The following CATSPERB variants were observed in gnomAD, a reference collection of about 807,000 sequenced individuals.
CATSPERB encodes the protein cation channel sperm-associated auxiliary subunit beta.
CATSPERB carries 93 observed loss-of-function variants against 128.3 expected under a neutral mutation model. The ratio of observed to expected loss-of-function variants is 0.72; its 90% CI spans 0.61 to 0.86. The LOEUF (loss-of-function observed/expected upper bound fraction) is 0.86. CATSPERB is among the 40% of genes least tolerant of loss of function. The probability of loss-of-function intolerance (pLI) is 0.00; values close to 1 mark genes in which losing one functional copy is unlikely to be tolerated. For missense variants in CATSPERB, 1,153 were observed against 1,329.5 expected, an observed-to-expected ratio of 0.87 and a Z score of 2.06; for synonymous variants, 381 against 448.8, an observed-to-expected ratio of 0.85 and a Z score of 1.91.
intron 16 of CATSPERB, 43 bp downstream of exon 16, chr14:91,639,053 T>C (rs1894435520): frequency 6.5e-7 from 1 of 1,534,370 alleles, no homozygotes; most frequent in African/African-American, 1.4e-5. Context: ...GTGGCATCTA[T>C]TCTTAAAATA....
intron 17 of CATSPERB, 58 bp downstream of exon 17, chr14:91,636,367 A>T: frequency 6.4e-7 from 1 of 1,552,208 alleles, no homozygotes; most frequent in Non-Finnish European, 8.8e-7. Context: ...TATCTCAAAA[A>T]ATTTAAAAAG....
chr14:91,711,539 G>T (rs1381579961), intron 5 of CATSPERB, among the ~76,000 whole-genome samples: 3 of 152,156 alleles, frequency 2.0e-5, no homozygotes, highest in Non-Finnish European at 4.4e-5. Context: ...CTGGTTTTAA[G>T]ATTCATTTGT....
chr14:91,636,199 C>CA, intron 17 of CATSPERB: 1 of 452,520 alleles, frequency 2.2e-6, no homozygotes, highest in Non-Finnish European at 3.9e-6. Flanking sequence ...CCCATCTCTA[C>CA]AAAAAATACA....
At chr14:91,626,989 T>A (rs1704665) in intron 17 of CATSPERB, among the ~76,000 whole-genome samples, 1 of 152,046 alleles carries the variant, frequency 6.6e-6, no homozygotes, top group Non-Finnish European at 1.5e-5. Context: ...TATGAACAAA[T>A]AGTTTATAAA....
At chr14:91,685,512 C>T (rs567790323) in intron 10 of CATSPERB, among the ~76,000 whole-genome samples, 7 of 152,178 alleles carry the variant, frequency 4.6e-5, no homozygotes, top group Middle Eastern at 3.4e-3. Context: ...GGTAATTTAT[C>T]GGGATACAAT....
Position 91,672,892 on chromosome 14 carries a change from G to A in CATSPERB, c.1103C>T (p.Thr368Ile). 6.3e-7 allele frequency: 1 copy of A among 1,589,036 alleles called. No homozygotes were observed. ...CTTGTTATAGAAGAGGTAAACTCCAGTACCACGCTCTTGGTCAACAAGAAA... is the reference window on the plus strand; with the variant it reads ...CTTGTTATAGAAGAGGTAAACTCCAATACCACGCTCTTGGTCAACAAGAAA... ...LTFLVDQERG[T>I]GVYLFYNKVR... is the part of the protein sequence containing the mutation. The change falls in exon 13 of 27, where the codon ACT (threonine) becomes ATT (isoleucine). Residue 368 changes from threonine (T) to isoleucine (I), a missense_variant. Physicochemically the swap from Thr to Ile is moderately conservative, Grantham distance 89. Coordinates refer to ENST00000256343, the MANE Select transcript of CATSPERB (RefSeq NM_024764.4).
rs913463104 is a variant in CATSPERB at position 91,661,175 on chromosome 14, T to C, written c.1288-1194A>G. 7.9e-5 allele frequency among the ~76,000 whole-genome samples: 12 copies of C among 152,154 alleles called. 1 individual carries two copies. The highest frequency in any genetic ancestry group is 2.9e-4 in the African/African-American group (12 of 41,428). ...TGGTGAGCAGGGAGGTAGTTAGGTG[T>C]CTAAGGAAGGGCACCTTGAACAATA... On this transcript the variant is annotated intron_variant, in intron 14 of 26. Transcript: ENST00000256343.
At position 91,693,234 on chromosome 14, in the gene CATSPERB, G is replaced by A. The variant is rs1283291515; in HGVS notation, c.723C>T (p.Asp241=). 1 of 1,610,454 alleles carries A rather than the reference G, an allele frequency of 6.2e-7. No individual in the cohort carries two copies. Among genetic ancestry groups the A allele is most frequent in the Non-Finnish European group, 8.5e-7 (1 of 1,177,072 alleles). The change falls in exon 9 of 27, where the codon GAC becomes GAT. Residue 241 remains aspartate, a synonymous_variant. Transcript: ENST00000256343. ...TTAAAACCATATCCACCAATGAAAG[G>A]TCTTCATATTCTAAACGAAGAAATC... ...IYSQLQEEYE[D]LSLVDMVLTN...
At chr14:91,588,248 C>A (rs1893338272) in intron 24 of CATSPERB, among the ~76,000 whole-genome samples, 170 bp from the exon 25 acceptor site, 1 of 152,194 alleles carries the variant, frequency 6.6e-6, no homozygotes, top group African/African-American at 2.4e-5. Context: ...TGAAAGATTT[C>A]ACTCCATAAC....
At chr14:91,661,850 A>G (rs2139822601) in intron 14 of CATSPERB, among the ~76,000 whole-genome samples, 1 of 152,144 alleles carries the variant, frequency 6.6e-6, no homozygotes, top group South Asian at 2.1e-4. Flanking sequence ...AATAGAGACT[A>G]CCCAAGTGCT....
intron 20 of CATSPERB, among the ~76,000 whole-genome samples, chr14:91,615,289 C>T (rs73333619): frequency 0.014 from 2,118 of 152,252 alleles, 44 homozygotes; most frequent in African/African-American, 0.048. Flanking sequence ...GCGAGGGATC[C>T]AGGTTGCACA....
rs746882412 is a variant in CATSPERB at position 91,659,978 on chromosome 14, A to G, written c.1291T>C (p.Trp431Arg). The G allele has an allele frequency of 1.9e-6, 3 of 1,580,108 alleles. No homozygotes were observed. The highest frequency in any genetic ancestry group is 1.7e-6 in the Non-Finnish European group (2 of 1,169,650). Residue 431 changes from tryptophan to arginine, a missense_variant, in exon 15 of 27, where the codon TGG (tryptophan) becomes CGG (arginine). Transcript: ENST00000256343. ...HFLYAYGNQIWLSVDGGNTFQ... is the reference protein window; with the variant it reads ...HFLYAYGNQIRLSVDGGNTFQ... ...GTGTTGCCGCCATCAACTGAAAGCC[A>G]TATCTAAAGGAATAAAGAGATAATA...
At position 91,636,501 on chromosome 14, in the gene CATSPERB, G is replaced by A. The variant is rs757220790; in HGVS notation, c.1666C>T (p.Pro556Ser). 1 of 1,613,908 alleles carries A rather than the reference G, an allele frequency of 6.2e-7. No homozygotes were observed. The highest frequency in any genetic ancestry group is 1.1e-5 in the South Asian group (1 of 91,068). ...LDEIIFFAYV[P>S]ENEPQETIYS... ...ATCGTTTCCTGGGGTTCGTTCTCAG[G>A]TACATATGCAAAAAAGATAATTTCA... The change falls in exon 17 of 27, where the codon CCT becomes TCT. Residue 556 changes from proline (P) to serine (S), a missense_variant. By Grantham distance (74) the Pro-to-Ser change is moderately conservative. Coordinates refer to ENST00000256343, the MANE Select transcript of CATSPERB (RefSeq NM_024764.4).
chr14:91,672,795 A>C, intron 13 of CATSPERB, 72 bp downstream of exon 13: 4 of 1,251,972 alleles, frequency 3.2e-6, no homozygotes, highest in Non-Finnish European at 4.3e-6. Flanking sequence ...AGAACTTGAA[A>C]ATAACTTTTG....
intron 18 of CATSPERB, 112 bp downstream of exon 18, chr14:91,624,708 G>A (rs1175474737): frequency 2.7e-6 from 2 of 732,542 alleles, no homozygotes; most frequent in Non-Finnish European, 4.1e-6. Flanking sequence ...GTTGCCAGTT[G>A]GACTAAAATT....
intron 5 of CATSPERB, among the ~76,000 whole-genome samples, chr14:91,711,052 G>C: frequency 6.6e-6 from 1 of 152,270 alleles, no homozygotes; most frequent in South Asian, 2.1e-4. Context: ...GGGGCTCAGC[G>C]TATGTGAAAC....
At chr14:91,632,253 C>A (rs886568522) in intron 17 of CATSPERB, among the ~76,000 whole-genome samples, 3 of 151,840 alleles carry the variant, frequency 2.0e-5, no homozygotes, top group Non-Finnish European at 4.4e-5. Flanking sequence ...AAATAGTATA[C>A]CACGAAAATA....
At chr14:91,630,513 C>T (rs1465551620) in intron 17 of CATSPERB, among the ~76,000 whole-genome samples, 1 of 152,228 alleles carries the variant, frequency 6.6e-6, no homozygotes, top group East Asian at 1.9e-4. Flanking sequence ...CTGCCTGATA[C>T]CTGCACTTTT....
At position 91,704,712 on chromosome 14, in the gene CATSPERB, C is replaced by T; in HGVS notation, c.467-11G>A. 6.2e-7 allele frequency: 1 copy of T among 1,606,776 alleles called. No individual in the cohort carries two copies. The highest frequency in any genetic ancestry group is 8.5e-7 in the Non-Finnish European group (1 of 1,177,228). ...ACTGAAGAATCGGTTCTGTGGAAAT[C>T]AAATTTGGGTGTTTAAATTGTGGGA... is the stretch of plus-strand genomic sequence containing the variant. On this transcript the variant is annotated splice_polypyrimidine_tract_variant and intron_variant, in intron 6 of 26. Transcript: ENST00000256343.
Sources: allele counts gnomAD v4.1 joint callset (sites outside exome capture counted in the v4.1 genomes callset), GRCh38; gene constraint gnomAD v4.1.1; transcripts MANE v1.5; gene names NCBI Gene and HGNC (gene_info 2026-07-23, HGNC 2026-07-21).